ALG12: variants seen among roughly 807,000 people sequenced by gnomAD.
ALG12 encodes the protein ALG12 alpha-1,6-mannosyltransferase, also known as dol-P-Man:Man(7)GlcNAc(2)-PP-Dol alpha-1,6-mannosyltransferase.
In ALG12, 36 loss-of-function variants were observed where a neutral mutation model predicts 46.0. The observed-to-expected ratio is 0.78, with a 90% CI of 0.60 to 1.03. ALG12 has a LOEUF of 1.03. ALG12 is among the 50% of genes least tolerant of loss of function. The probability of loss-of-function intolerance (pLI) is 0.00; values close to 1 mark genes in which losing one functional copy is unlikely to be tolerated. For missense variants in ALG12, 599 were observed against 633.5 expected (o/e 0.95, Z 0.58); for synonymous variants, 326 against 291.6 (o/e 1.12, Z -1.20).
chr22:49,899,754 C>T (rs117006580), downstream of ALG12, among the ~76,000 whole-genome samples: 1,597 of 152,162 alleles, frequency 0.01, 20 homozygotes, highest in Non-Finnish European at 0.015. Flanking sequence ...TGGAAATAAC[C>T]TAACTGACCA....
downstream of ALG12, among the ~76,000 whole-genome samples, chr22:49,896,185 A>G (rs1460562053): frequency 1.3e-5 from 2 of 152,364 alleles, no homozygotes; most frequent in East Asian, 3.9e-4. Flanking sequence ...TGTCTCTTGC[A>G]TGAGACTTCT....
At chr22:49,867,652 G>A in the ALG12 span, among the ~76,000 whole-genome samples, 1 of 152,180 alleles carries the variant, frequency 6.6e-6, no homozygotes, top group South Asian at 2.1e-4. Flanking sequence ...AGTGATACCT[G>A]TTGGCTACTT....
chr22:49,867,996 C>G, the ALG12 span, among the ~76,000 whole-genome samples: 1 of 152,166 alleles, frequency 6.6e-6, no homozygotes, highest in Non-Finnish European at 1.5e-5. Flanking sequence ...AGGAAAAGAT[C>G]AACATTCAGA....
At chr22:49,885,044 T>G in the ALG12 span, 1 of 1,612,044 alleles carries the variant, frequency 6.2e-7, no homozygotes, top group Non-Finnish European at 8.5e-7. Context: ...AAGTCGGAGG[T>G]CTGGCATCAC....
rs186556145 is a variant in ALG12 at position 49,911,295 on chromosome 22, G to C, written c.296-688C>G. On this transcript the variant is annotated intron_variant, in intron 3 of 9. Coordinates refer to ENST00000330817, the MANE Select transcript of ALG12 (RefSeq NM_024105.4). ...AAGCAACTGGGTCCAGGCAGCTGTG[G>C]GGGCCAATGGGCAGAGATACCCAGG... 2.6e-3 allele frequency among the ~76,000 whole-genome samples: 396 copies of C among 152,324 alleles called. 1 individual carries two copies. Among genetic ancestry groups the C allele is most frequent in the Non-Finnish European group, 3.3e-3 (222 of 68,018 alleles).
At chr22:49,881,290 G>A in the ALG12 span, among the ~76,000 whole-genome samples, 26 of 152,372 alleles carry the variant, frequency 1.7e-4, no homozygotes, top group African/African-American at 5.5e-4. Context: ...CGGAGGTTGC[G>A]GTGAACTGAG....
At chr22:49,884,436 C>T in the ALG12 span, 40 of 1,614,166 alleles carry the variant, frequency 2.5e-5, 1 homozygote, top group South Asian at 4.2e-4. Context: ...CTCCCCACCT[C>T]CCTGCTCTCC....
chr22:49,878,690 CAT>C, the ALG12 span, among the ~76,000 whole-genome samples: 39 of 152,288 alleles, frequency 2.6e-4, no homozygotes, highest in Middle Eastern at 3.4e-3. Context: ...ATAAAGAACA[CAT>C]GAGTGAAGTG....
At chr22:49,918,048 C>T (rs1047908249) in intron 1 of ALG12, 2 of 152,514 alleles carry the variant, frequency 1.3e-5, no homozygotes, top group African/African-American at 2.5e-5. Flanking sequence ...GAGGTCTGGC[C>T]CCCAGGTGAC....
chr22:49,889,309 T>C, the ALG12 span: 1 of 167,106 alleles, frequency 6.0e-6, no homozygotes, highest in Non-Finnish European at 1.5e-5. Flanking sequence ...ACATGGTGTC[T>C]TGGCTACTTT....
the ALG12 span, chr22:49,884,696 G>A: frequency 2.9e-5 from 46 of 1,600,538 alleles, no homozygotes; most frequent in Non-Finnish European, 3.6e-5. Flanking sequence ...GAGAACGGGG[G>A]CACGGGCATC....
At chr22:49,883,522 G>A in the ALG12 span, 1 of 1,188,806 alleles carries the variant, frequency 8.4e-7, no homozygotes, top group Non-Finnish European at 1.1e-6. Flanking sequence ...TACTATTTAT[G>A]ATTAGCCATA....
intron 1 of ALG12, among the ~76,000 whole-genome samples, chr22:49,915,765 A>G (rs2060605859): frequency 6.6e-6 from 1 of 152,166 alleles, no homozygotes; most frequent in Non-Finnish European, 1.5e-5. Context: ...CACCAAGGAC[A>G]GAGGCCAGCC....
chr22:49,880,596 GGC>G, the ALG12 span, among the ~76,000 whole-genome samples: 1 of 152,228 alleles, frequency 6.6e-6, no homozygotes. Flanking sequence ...CACGGCGTCT[GGC>G]TTATGAGTTG....
the ALG12 span, chr22:49,885,389 A>C: frequency 6.3e-7 from 1 of 1,597,326 alleles, no homozygotes; most frequent in Non-Finnish European, 8.6e-7. Flanking sequence ...GACTCCACAA[A>C]AGTCGTGTGC....
At chr22:49,881,501 T>C in the ALG12 span, among the ~76,000 whole-genome samples, 1 of 152,218 alleles carries the variant, frequency 6.6e-6, no homozygotes, top group Non-Finnish European at 1.5e-5. Flanking sequence ...TCATGTCTCC[T>C]CAGCCTTCCA....
Position 49,903,128 on chromosome 22 carries a change from T to A in ALG12, c.*710A>T. ...GAGGCTGACAGCACCAAGCTGTCCC[T>A]TTACCATAACACCTGGAATAGTCAC... On this transcript the variant is annotated 3_prime_UTR_variant, in exon 10 of 10. Transcript: ENST00000330817. 2.8e-6 allele frequency: 1 copy of A among 355,880 alleles called. No individual in the cohort carries two copies. The highest frequency in any genetic ancestry group is 3.9e-5 in the Admixed American group (1 of 25,652). The allele number at this position is 355,880 out of a possible 1,614,324, so 22.0% of individuals were successfully genotyped here. A position where few individuals can be genotyped will look rare whatever the true frequency, so the allele number is the denominator to read the frequency against.
chr22:49,862,592 C>T, the ALG12 span, among the ~76,000 whole-genome samples: 5 of 152,136 alleles, frequency 3.3e-5, no homozygotes, highest in Non-Finnish European at 7.3e-5. Context: ...CCCAGCCCCT[C>T]CCAGCAGAGG....
chr22:49,898,120 C>T (rs2060491033), downstream of ALG12, among the ~76,000 whole-genome samples: 1 of 151,952 alleles, frequency 6.6e-6, no homozygotes, highest in Admixed American at 6.6e-5. Flanking sequence ...CCTGCCTCAG[C>T]CTCCCAAGTA....
Sources: gnomAD v4.1 joint callset for allele counts (sites outside exome capture counted in the v4.1 genomes callset) on GRCh38, gnomAD v4.1.1 for gene constraint, MANE v1.5 for transcripts, NCBI Gene and HGNC (gene_info 2026-07-23, HGNC 2026-07-21) for gene names.